The following LRBA variants were observed in gnomAD, a reference collection of about 807,000 sequenced individuals.
LRBA encodes lipopolysaccharide-responsive and beige-like anchor protein.
A neutral mutation model predicts 330.0 loss-of-function variants in LRBA; 176 were observed. That is an observed-to-expected ratio of 0.53 (90% CI 0.47 to 0.60). The LOEUF is 0.60. Ranked by LOEUF, LRBA falls within the 20% of genes least tolerant of loss-of-function variation. The pLI is 0.00. For synonymous variants in LRBA, 1,230 were observed against 1,193.0 expected, an observed-to-expected ratio of 1.03 and a Z score of -0.64; for missense variants, 3,259 against 3,444.8, an observed-to-expected ratio of 0.95 and a Z score of 1.35.
intron 43 of LRBA, among the ~76,000 whole-genome samples, chr4:150,469,111 C>T (rs1285447235): frequency 6.6e-6 from 1 of 152,006 alleles, no homozygotes; most frequent in Non-Finnish European, 1.5e-5. Context: ...CTTGTCCCAT[C>T]TACTTAAATA....
intron 37 of LRBA, among the ~76,000 whole-genome samples, chr4:150,661,754 G>A (rs899120208): frequency 2.0e-5 from 3 of 151,794 alleles, no homozygotes; most frequent in South Asian, 2.1e-4. Flanking sequence ...GGGATTACAG[G>A]AGCCCACCAT....
rs1771531570 is a variant in LRBA, at chr4:150,582,674, G to GT, written c.6330+5373dup. 2.4e-5 allele frequency: 5 copies of GT among 208,212 alleles called. No homozygotes were observed. In the Middle Eastern group the frequency reaches 5.5e-3, roughly 228 times the overall value. The allele number at this position is 208,212 out of a possible 1,614,324, so 12.9% of individuals were successfully genotyped here. ...TAAGCCTAACCTTTTGGTATCCTGA[G>GT]TTTTTTCCCTCTCCTTCTCCTTCCT... On this transcript the variant is annotated intron_variant, in intron 40 of 56. Transcript: ENST00000651943.
At chr4:150,968,808 T>C (rs1334683447) in intron 2 of LRBA, among the ~76,000 whole-genome samples, 1 of 152,198 alleles carries the variant, frequency 6.6e-6, no homozygotes, top group South Asian at 2.1e-4. Context: ...CATCTAGGAC[T>C]TTCCTAGATA....
At chr4:150,739,788 A>C (rs1731704475) in intron 35 of LRBA, among the ~76,000 whole-genome samples, 2 of 152,304 alleles carry the variant, frequency 1.3e-5, no homozygotes, top group South Asian at 4.1e-4. Context: ...GCCCGCAAAG[A>C]ATTCAGACTC....
chr4:150,801,787 G>C (rs1441468905), intron 33 of LRBA, among the ~76,000 whole-genome samples: 2 of 151,862 alleles, frequency 1.3e-5, no homozygotes, highest in Non-Finnish European at 2.9e-5. Flanking sequence ...CCCTTTGGAG[G>C]GTCACAAACC....
chr4:150,693,339 G>A (rs1296010744), intron 36 of LRBA, among the ~76,000 whole-genome samples: 1 of 151,838 alleles, frequency 6.6e-6, no homozygotes, highest in Non-Finnish European at 1.5e-5. Flanking sequence ...CGAGGTGGGC[G>A]GATCACGAGG....
At chr4:150,448,266 A>G (rs2152023440) in intron 44 of LRBA, among the ~76,000 whole-genome samples, 1 of 152,338 alleles carries the variant, frequency 6.6e-6, no homozygotes, top group African/African-American at 2.4e-5. Context: ...CGGTACCACA[A>G]AGAATAATGC....
At position 150,964,114 on chromosome 4, in the gene LRBA, C is replaced by T. The variant is rs1044283003; in HGVS notation, c.217-35049G>A. On this transcript the variant is annotated intron_variant, in intron 2 of 56. Coordinates refer to ENST00000651943, the MANE Select transcript of LRBA (RefSeq NM_001364905.1). ...GAGCGTCTCCGCCCGGCAGCCGCCC[C>T]GTCCAGGAGGTGGGGGGCAGCCCCC... Among the ~76,000 whole-genome samples, 13 of 149,078 alleles carry T rather than the reference C, an allele frequency of 8.7e-5. 1 individual carries two copies. Among genetic ancestry groups the T allele is most frequent in the African/African-American group, 3.1e-4 (12 of 38,580 alleles).
intron 36 of LRBA, among the ~76,000 whole-genome samples, chr4:150,726,961 T>G (rs1439090527): frequency 1.4e-5 from 2 of 147,194 alleles, no homozygotes; most frequent in East Asian, 4.0e-4. Flanking sequence ...ACTTTCAGCA[T>G]TGGGCAGATC....
chr4:150,672,712 C>G (rs1441706414), intron 37 of LRBA, among the ~76,000 whole-genome samples: 3 of 151,878 alleles, frequency 2.0e-5, no homozygotes. Flanking sequence ...CCAGGGGAAG[C>G]AGAAAATAAA....
chr4:150,437,785 G>T (rs893446918), intron 44 of LRBA, among the ~76,000 whole-genome samples: 5 of 152,118 alleles, frequency 3.3e-5, no homozygotes, highest in African/African-American at 1.2e-4. Context: ...GCTAACTATG[G>T]TTTTTAAGAT....
intron 5 of LRBA, among the ~76,000 whole-genome samples, chr4:150,920,667 C>T (rs2997375): frequency 0.96 from 146,131 of 152,300 alleles, 70,387 homozygotes; most frequent in Non-Finnish European, 1. Flanking sequence ...TATAACATTA[C>T]GAAACATTAC....
chr4:150,507,739 A>G (rs996245417), intron 40 of LRBA, among the ~76,000 whole-genome samples: 2 of 152,220 alleles, frequency 1.3e-5, no homozygotes, highest in African/African-American at 4.8e-5. Flanking sequence ...GGATCTAATT[A>G]AACTGAAGAG....
intron 42 of LRBA, among the ~76,000 whole-genome samples, chr4:150,485,006 T>A (rs1300008567): frequency 6.6e-6 from 1 of 152,004 alleles, no homozygotes; most frequent in Non-Finnish European, 1.5e-5. Flanking sequence ...ATCCAAGATC[T>A]CAATCTTTCT....
intron 44 of LRBA, among the ~76,000 whole-genome samples, chr4:150,461,005 G>A (rs1462005624): frequency 1.3e-5 from 2 of 151,770 alleles, no homozygotes; most frequent in South Asian, 4.2e-4. Context: ...ATGAACAAAT[G>A]AATAAGCAGT....
chr4:150,694,206 A>G (rs1198744912), intron 36 of LRBA, among the ~76,000 whole-genome samples: 1 of 152,044 alleles, frequency 6.6e-6, no homozygotes, highest in East Asian at 1.9e-4. Flanking sequence ...CCATGTCAGG[A>G]CCTTCTTTCT....
At chr4:150,564,003 A>G (rs192067294) in intron 40 of LRBA, among the ~76,000 whole-genome samples, 42 of 152,324 alleles carry the variant, frequency 2.8e-4, no homozygotes, top group Admixed American at 8.5e-4. Context: ...CAAGCTACCA[A>G]TGACTTTCTT....
At chr4:150,450,640 T>C (rs1753231943) in intron 44 of LRBA, among the ~76,000 whole-genome samples, 1 of 152,180 alleles carries the variant, frequency 6.6e-6, no homozygotes, top group South Asian at 2.1e-4. Context: ...GTCACATTCA[T>C]AGGTACCTGG....
intron 22 of LRBA, among the ~76,000 whole-genome samples, chr4:150,861,261 C>A (rs1751888372): frequency 1.4e-5 from 2 of 139,910 alleles, no homozygotes; most frequent in South Asian, 4.4e-4. Flanking sequence ...TGCCACCATC[C>A]CAGCTAATGG....
Sources: allele counts gnomAD v4.1 joint callset (sites outside exome capture counted in the v4.1 genomes callset), GRCh38; gene constraint gnomAD v4.1.1; transcripts MANE v1.5; gene names NCBI Gene and HGNC (gene_info 2026-07-23, HGNC 2026-07-21).